The following GRID1 variants were observed in gnomAD, a reference collection of about 807,000 sequenced individuals.
GRID1 encodes the protein glutamate ionotropic receptor delta type subunit 1, also known as glutamate receptor ionotropic, delta-1.
A neutral mutation model predicts 98.0 loss-of-function variants in GRID1; 28 were observed. The ratio of observed to expected loss-of-function variants is 0.29; its 90% CI spans 0.21 to 0.39. The LOEUF is 0.39. GRID1 is among the 10% of genes least tolerant of loss of function. GRID1 has a pLI of 1.00. For missense variants in GRID1, 1,111 were observed against 1,340.5 expected (o/e 0.83, Z 2.67); for synonymous variants, 553 against 538.5 (o/e 1.03, Z -0.37).
At chr10:85,837,544 C>T (rs556991102) in intron 8 of GRID1, among the ~76,000 whole-genome samples, 6 of 152,210 alleles carry the variant, frequency 3.9e-5, no homozygotes, top group South Asian at 2.1e-4. Context: ...GAGCTGAGCA[C>T]TGGCCCCTGA....
chr10:86,168,133 G>T (rs1263880646), intron 3 of GRID1, among the ~76,000 whole-genome samples: 1 of 152,160 alleles, frequency 6.6e-6, no homozygotes, highest in Non-Finnish European at 1.5e-5. Context: ...GGGGCAAGGT[G>T]AGCCTGCATG....
At chr10:85,608,793 T>A (rs2132508865) in intron 15 of GRID1, among the ~76,000 whole-genome samples, 1 of 152,258 alleles carries the variant, frequency 6.6e-6, no homozygotes, top group South Asian at 2.1e-4. Flanking sequence ...GATCTGGTTT[T>A]GAGATACACA....
chr10:86,344,472 G>A (rs1345951453), intron 2 of GRID1, among the ~76,000 whole-genome samples: 1 of 152,074 alleles, frequency 6.6e-6, no homozygotes. Context: ...GCCCACATGT[G>A]CCCCACACTG....
intron 3 of GRID1, among the ~76,000 whole-genome samples, chr10:86,151,469 T>A (rs1845168963): frequency 6.6e-6 from 1 of 151,848 alleles, no homozygotes; most frequent in African/African-American, 2.4e-5. Flanking sequence ...ACCGCAGGCA[T>A]ATAGAGCTCC....
intron 8 of GRID1, among the ~76,000 whole-genome samples, chr10:85,750,847 C>G (rs2132685910): frequency 6.6e-6 from 1 of 152,232 alleles, no homozygotes; most frequent in South Asian, 2.1e-4. Context: ...AAGGAAACTA[C>G]CCAAAATCCA....
intron 4 of GRID1, among the ~76,000 whole-genome samples, chr10:85,989,804 G>A (rs752484135): frequency 2.0e-5 from 3 of 152,230 alleles, no homozygotes; most frequent in South Asian, 2.1e-4. Flanking sequence ...GGATCTGACA[G>A]TTTATATCTC....
intron 8 of GRID1, among the ~76,000 whole-genome samples, chr10:85,828,632 C>A (rs938499889): frequency 1.4e-4 from 21 of 149,038 alleles, no homozygotes; most frequent in African/African-American, 5.2e-4. Flanking sequence ...AACTGAAATG[C>A]AAAAAAAAAC....
At position 86,195,930 on chromosome 10, in the gene GRID1, A is replaced by G. The variant is rs1845865787; in HGVS notation, c.520+10434T>C. On this transcript the variant is annotated intron_variant, in intron 3 of 15. Transcript: ENST00000327946. The surrounding 1 kb of genome is among the most constrained non-coding windows in gnomAD (Gnocchi z 4.4). ...ACATTCCAGAGCAATGCAACCAGAG[A>G]GAACGGGCTTCCGTTCTTGAGCATC... Among the ~76,000 whole-genome samples, 1 of 152,236 alleles carries G rather than the reference A, an allele frequency of 6.6e-6. No individual in the cohort carries two copies. Among genetic ancestry groups the G allele is most frequent in the African/African-American group, 2.4e-5 (1 of 41,568 alleles).
chr10:86,090,941 C>T (rs1844137321), intron 4 of GRID1, among the ~76,000 whole-genome samples: 1 of 152,116 alleles, frequency 6.6e-6, no homozygotes, highest in Non-Finnish European at 1.5e-5. Context: ...AGTTAGAGGA[C>T]CGAGTGAAAT....
chr10:86,181,087 A>C (rs963778596), intron 3 of GRID1, among the ~76,000 whole-genome samples: 7 of 151,790 alleles, frequency 4.6e-5, no homozygotes, highest in Non-Finnish European at 7.4e-5. Flanking sequence ...AGCCACACAC[A>C]CCCCCAACCA....
intron 2 of GRID1, among the ~76,000 whole-genome samples, chr10:86,259,791 G>T (rs964317036): frequency 7.2e-5 from 11 of 152,200 alleles, no homozygotes; most frequent in Non-Finnish European, 1.3e-4. Context: ...GAAGAGGCCA[G>T]ATAGAGGCCA....
intron 14 of GRID1, among the ~76,000 whole-genome samples, chr10:85,614,610 T>C (rs1842768153): frequency 6.6e-6 from 1 of 151,930 alleles, no homozygotes; most frequent in Non-Finnish European, 1.5e-5. Flanking sequence ...AAACCCCATG[T>C]GAAAGTCATG....
chr10:86,290,755 A>G (rs1048121375), intron 2 of GRID1, among the ~76,000 whole-genome samples: 10 of 152,214 alleles, frequency 6.6e-5, no homozygotes, highest in Non-Finnish European at 1.5e-4. Flanking sequence ...GAGAAATAGG[A>G]AGTAGTATGA....
intron 2 of GRID1, among the ~76,000 whole-genome samples, chr10:86,249,023 C>G (rs1846778437): frequency 6.6e-6 from 1 of 152,224 alleles, no homozygotes; most frequent in Non-Finnish European, 1.5e-5. Flanking sequence ...CTGCCTCCCT[C>G]ACTGGAGGAG....
At chr10:85,840,285 C>A (rs560657729) in intron 8 of GRID1, among the ~76,000 whole-genome samples, 2 of 152,122 alleles carry the variant, frequency 1.3e-5, no homozygotes, top group African/African-American at 2.4e-5. Flanking sequence ...ATACCAAAAC[C>A]TGGCAGAGAT....
intron 8 of GRID1, among the ~76,000 whole-genome samples, chr10:85,731,884 G>A (rs918670313): frequency 6.7e-6 from 1 of 149,590 alleles, no homozygotes; most frequent in Non-Finnish European, 1.5e-5. Context: ...ATAAAGAAAG[G>A]GAGGTAGGGA....
At chr10:86,318,472 C>T (rs542352797) in intron 2 of GRID1, among the ~76,000 whole-genome samples, 51 of 152,254 alleles carry the variant, frequency 3.3e-4, no homozygotes, top group Non-Finnish European at 6.2e-4. Flanking sequence ...GGGGTCCACA[C>T]AGGCTGACAG....
intron 4 of GRID1, among the ~76,000 whole-genome samples, chr10:86,076,009 A>C (rs1479768817): frequency 1.3e-5 from 2 of 152,200 alleles, no homozygotes; most frequent in Non-Finnish European, 2.9e-5. Context: ...GTAGGTGCTT[A>C]GTAAAGTTTT....
intron 13 of GRID1, among the ~76,000 whole-genome samples, chr10:85,637,961 C>T (rs1041004154): frequency 6.6e-6 from 1 of 152,054 alleles, no homozygotes; most frequent in Non-Finnish European, 1.5e-5. Flanking sequence ...ATAATGAATA[C>T]ACAACATATA....
Sources: allele counts gnomAD v4.1 joint callset (sites outside exome capture counted in the v4.1 genomes callset), GRCh38; gene constraint gnomAD v4.1.1; non-coding constraint Gnocchi (gnomAD v3.1); transcripts MANE v1.5; gene names NCBI Gene and HGNC (gene_info 2026-07-23, HGNC 2026-07-21).